ZNF717: variants seen among roughly 807,000 people sequenced by gnomAD.
ZNF717 encodes the protein zinc finger protein 717.
ZNF717 carries 9 observed loss-of-function variants against 13.8 expected under a neutral mutation model. The observed-to-expected ratio is 0.65, with a 90% CI of 0.39 to 1.14. The LOEUF (loss-of-function observed/expected upper bound fraction) is 1.14. ZNF717 is among the 50% of genes most tolerant of loss of function. The pLI is 0.01. For synonymous variants in ZNF717, 327 were observed against 364.1 expected (o/e 0.90, Z 1.16); for missense variants, 1,040 against 1,080.7 (o/e 0.96, Z 0.53).
intron 2 of ZNF717, among the ~76,000 whole-genome samples, chr3:75,759,515 G>C (rs58848811): frequency 1.3e-5 from 2 of 152,150 alleles, no homozygotes; most frequent in African/African-American, 4.8e-5. Context: ...GACATGATCT[G>C]CCTGCCTCAG....
At chr3:75,699,821 A>G (rs1286955273) in intron 6 of ZNF717, among the ~76,000 whole-genome samples, 94 of 149,728 alleles carry the variant, frequency 6.3e-4, no homozygotes, top group Non-Finnish European at 1.0e-3. Flanking sequence ...AAATCAACAT[A>G]TACAAATCAG....
chr3:75,766,691 G>A (rs1177253906), intron 2 of ZNF717, among the ~76,000 whole-genome samples: 2 of 152,252 alleles, frequency 1.3e-5, no homozygotes, highest in Non-Finnish European at 2.9e-5. Context: ...TGACCCAAAT[G>A]GTATTTATGA....
At chr3:75,783,419 C>G in intron 1 of ZNF717, 55 bp from the exon 2 acceptor site, 1 of 1,401,860 alleles carries the variant, frequency 7.1e-7, no homozygotes. Flanking sequence ...TGGTGTGGTC[C>G]CAGATTCTTC....
intron 4 of ZNF717, among the ~76,000 whole-genome samples, chr3:75,722,836 T>C (rs75993548): frequency 6.1e-5 from 8 of 130,336 alleles, no homozygotes; most frequent in African/African-American, 1.8e-4. Flanking sequence ...TAAGTATTTT[T>C]GGCCAACTAT....
intron 2 of ZNF717, among the ~76,000 whole-genome samples, chr3:75,758,526 T>A (rs1327887171): frequency 6.6e-6 from 1 of 152,182 alleles, no homozygotes; most frequent in African/African-American, 2.4e-5. Flanking sequence ...CAGGATTGAA[T>A]CCAATTTTGA....
intron 2 of ZNF717, among the ~76,000 whole-genome samples, chr3:75,766,093 C>A (rs62268110): frequency 1.1e-4 from 17 of 152,096 alleles, no homozygotes; most frequent in Admixed American, 1.1e-3. Flanking sequence ...GGTGACAGAG[C>A]AAGACCCTGT....
chr3:75,737,633 T>C lies in ZNF717; in HGVS notation c.1990A>G (p.Ile664Val), dbSNP rs78490340. 1.3e-6 allele frequency: 2 copies of C among 1,544,688 alleles called. No homozygotes were observed. Among genetic ancestry groups the C allele is most frequent in the Non-Finnish European group, 1.8e-6 (2 of 1,142,410 alleles). The change falls in exon 5 of 5, where the codon ATA (isoleucine) becomes GTA (valine). Residue 664 changes from isoleucine (I) to valine (V), a missense_variant. Physicochemically the swap from Ile to Val is conservative, Grantham distance 29. Around this residue, in one of 3 missense-constraint regions of ZNF717, gnomAD observed 873 missense variants for 832.8 expected, o/e 1.05. Coordinates refer to ENST00000652011, the MANE Select transcript of ZNF717 (RefSeq NM_001290208.3). Reference sequence around the variant, plus strand: ...TTCCCCGTGTGAGTTCTCTGGTGTATGGTGAGGAATGACTTGCGATGAAAG... The same window carrying C: ...TTCCCCGTGTGAGTTCTCTGGTGTACGGTGAGGAATGACTTGCGATGAAAG... The part of the protein sequence containing the change: ...KTFHRKSFLT[I>V]HQRTHTGKNR...
chr3:75,785,140 C>A (rs1576019707), intron 1 of ZNF717: 1 of 152,334 alleles, frequency 6.6e-6, no homozygotes, highest in African/African-American at 2.4e-5. Flanking sequence ...GCGTTTCGCA[C>A]TACTCCTCTG....
At chr3:75,774,270 C>T (rs1237266855) in intron 2 of ZNF717, among the ~76,000 whole-genome samples, 1 of 151,098 alleles carries the variant, frequency 6.6e-6, no homozygotes, top group East Asian at 1.9e-4. Flanking sequence ...AAGATTTTTG[C>T]CCTTTAAAAA....
In ZNF717 at chr3:75,738,249, T is replaced by C; in HGVS notation, c.1374A>G (p.Lys458=). The change falls in exon 5 of 5, where the codon AAA becomes AAG. Residue 458 remains lysine (K), a synonymous_variant. Transcript: ENST00000652011. ...TGAGGTTTGACTTATTGATAAAGGG[T>C]TTTCCACACTCATTACATTCATACG... ...EKPYECNECG[K]PFINKSNLRL... 1 of 1,541,500 alleles carries C rather than the reference T, an allele frequency of 6.5e-7. No homozygotes were observed. Among genetic ancestry groups the C allele is most frequent in the Non-Finnish European group, 8.8e-7 (1 of 1,138,204 alleles).
At chr3:75,784,954 T>C (rs1347941309) in intron 1 of ZNF717, 1 of 152,268 alleles carries the variant, frequency 6.6e-6, no homozygotes, top group African/African-American at 2.4e-5. Flanking sequence ...CCCATCTCCC[T>C]CGCGGCATCA....
chr3:75,704,625 G>C lies in ZNF717; in HGVS notation n.1085+6562C>G, dbSNP rs1296541607. Among the ~76,000 whole-genome samples the C allele has an allele frequency of 5.2e-5, 8 of 152,426 alleles. No homozygotes were observed. In the East Asian group the frequency reaches 1.5e-3, roughly 29 times the overall value. On this transcript the variant is annotated intron_variant and non_coding_transcript_variant, in intron 6 of 6. Coordinates refer to the ZNF717 transcript ENST00000648506. ...TGGGAATACTGAGAAGAATGGGTTTGGCTAAACAAGATGTTTGCCACTTTC... is the reference window on the plus strand; with the variant it reads ...TGGGAATACTGAGAAGAATGGGTTTCGCTAAACAAGATGTTTGCCACTTTC...
chr3:75,764,998 T>TATATATATAC (rs1943331353), intron 2 of ZNF717, among the ~76,000 whole-genome samples: 2 of 22,812 alleles, frequency 8.8e-5, no homozygotes, highest in African/African-American at 3.3e-4. Flanking sequence ...AGGATATATA[T>TATATATATAC]ATATATATAT....
intron 2 of ZNF717, among the ~76,000 whole-genome samples, chr3:75,771,510 C>G (rs189161550): frequency 6.6e-6 from 1 of 152,204 alleles, no homozygotes; most frequent in Non-Finnish European, 1.5e-5. Context: ...CTAGGGCCTC[C>G]GGAGCGATAG....
In ZNF717 at chr3:75,765,093, G is replaced by C. The variant is rs1943359737; in HGVS notation, c.57+18213C>G. Among the ~76,000 whole-genome samples the C allele has an allele frequency of 4.0e-5, 6 of 148,324 alleles. No individual in the cohort carries two copies. The Admixed American group carries it at 4.1e-4, about 10-fold the overall frequency. On this transcript the variant is annotated intron_variant, in intron 2 of 4. Transcript: ENST00000652011. ...AAGAAATGTTATTCAGCCATAGAAA[G>C]GAAGAAAATCCTGACACATCTGACA...
chr3:75,731,066 C>G (rs1268722811), downstream of ZNF717, among the ~76,000 whole-genome samples: 16 of 151,964 alleles, frequency 1.1e-4, no homozygotes, highest in Non-Finnish European at 7.4e-5. Context: ...CATGGCAAAA[C>G]CCTGTCTCTA....
At chr3:75,746,179 T>C (rs148439701) in intron 2 of ZNF717, among the ~76,000 whole-genome samples, 2 of 152,324 alleles carry the variant, frequency 1.3e-5, no homozygotes, top group African/African-American at 4.8e-5. Flanking sequence ...CAGCTTCATC[T>C]ATGTCCCTAC....
At chr3:75,749,712 A>G (rs2107354238) in intron 2 of ZNF717, among the ~76,000 whole-genome samples, 1 of 151,466 alleles carries the variant, frequency 6.6e-6, no homozygotes, top group Non-Finnish European at 1.5e-5. Flanking sequence ...ATTCCAGAAC[A>G]CTGCCATGAG....
intron 6 of ZNF717, among the ~76,000 whole-genome samples, chr3:75,701,746 A>C (rs1937701399): frequency 6.6e-6 from 1 of 152,312 alleles, no homozygotes; most frequent in African/African-American, 2.4e-5. Context: ...GCAGAAACAG[A>C]CTAATACACT....
Sources: allele counts gnomAD v4.1 joint callset (sites outside exome capture counted in the v4.1 genomes callset), GRCh38; gene constraint gnomAD v4.1.1; regional missense constraint gnomAD v4.1.1; transcripts MANE v1.5; gene names NCBI Gene and HGNC (gene_info 2026-07-23, HGNC 2026-07-21).